JAK2: variants seen among roughly 807,000 people sequenced by gnomAD.
The protein encoded by JAK2 is tyrosine-protein kinase JAK2.
In JAK2, 86 loss-of-function variants were observed where a neutral mutation model predicts 139.3. The ratio of observed to expected loss-of-function variants is 0.62; its 90% CI spans 0.52 to 0.74. The LOEUF is 0.74. JAK2 is among the 30% of genes least tolerant of loss of function. JAK2 has a pLI of 0.00. For missense variants in JAK2, 1,421 were observed against 1,360.3 expected (o/e 1.04, Z -0.70); for synonymous variants, 490 against 437.7 (o/e 1.12, Z -1.49).
chr9:5,020,809 G>T (rs925503353), intron 2 of JAK2, among the ~76,000 whole-genome samples: 5 of 152,172 alleles, frequency 3.3e-5, no homozygotes, highest in African/African-American at 9.7e-5. Context: ...GGAGGTGACT[G>T]TCGGTGGAGG....
intron 23 of JAK2, among the ~76,000 whole-genome samples, chr9:5,125,631 T>A (rs2130862192): frequency 6.8e-6 from 1 of 146,312 alleles, no homozygotes; most frequent in East Asian, 2.0e-4. Flanking sequence ...TGCATAGGGA[T>A]GTACATTTCA....
chr9:5,110,796 C>T (rs1822419891), intron 22 of JAK2: 2 of 412,518 alleles, frequency 4.8e-6, no homozygotes, highest in Admixed American at 6.6e-5. Context: ...GGGCCACGCG[C>T]GACGCCTGGG....
intron 6 of JAK2, among the ~76,000 whole-genome samples, chr9:5,053,730 A>C (rs1817574587): frequency 6.6e-6 from 1 of 151,934 alleles, no homozygotes; most frequent in African/African-American, 2.4e-5. Flanking sequence ...GAGATTTTAC[A>C]TTTTATACGG....
intron 2 of JAK2, among the ~76,000 whole-genome samples, chr9:5,016,308 A>G (rs1323871125): frequency 6.6e-6 from 1 of 152,140 alleles, no homozygotes; most frequent in Non-Finnish European, 1.5e-5. Flanking sequence ...CTGCTGTTAT[A>G]AGACCTGGTT....
intron 4 of JAK2, among the ~76,000 whole-genome samples, chr9:5,034,881 G>A (rs975563225): frequency 7.2e-5 from 11 of 151,916 alleles, no homozygotes; most frequent in Admixed American, 2.0e-4. Flanking sequence ...AGAAATAACT[G>A]AGATCAGAGC....
chr9:5,042,132 T>TC (rs1816606725), intron 4 of JAK2, among the ~76,000 whole-genome samples: 1 of 131,774 alleles, frequency 7.6e-6, no homozygotes, highest in African/African-American at 2.6e-5. Context: ...TTCTTTTTTT[T>TC]TTTTTTTTTT....
At chr9:5,064,477 C>G (rs1333680785) in intron 8 of JAK2, among the ~76,000 whole-genome samples, 9 of 151,038 alleles carry the variant, frequency 6.0e-5, no homozygotes, top group Non-Finnish European at 1.3e-4. Flanking sequence ...TTGCAGTGAG[C>G]CAAGATTGTG....
At chr9:5,126,580 G>A in intron 24 of JAK2, 104 bp from the exon 25 acceptor site, 2 of 947,492 alleles carry the variant, frequency 2.1e-6, no homozygotes, top group Middle Eastern at 2.2e-4. Context: ...TGTGGAACAA[G>A]GCATGGTTAT....
At chr9:4,999,933 C>T (rs1168840505) in intron 2 of JAK2, among the ~76,000 whole-genome samples, 1 of 152,142 alleles carries the variant, frequency 6.6e-6, no homozygotes, top group Non-Finnish European at 1.5e-5. Flanking sequence ...TTCCTCATAT[C>T]TTTGCCAACA....
intron 12 of JAK2, 74 bp from the exon 13 acceptor site, chr9:5,072,418 T>C (rs1483083594): frequency 4.4e-6 from 5 of 1,125,800 alleles, no homozygotes; most frequent in Admixed American, 2.8e-5. Context: ...TTCTTCCTCA[T>C]TGAATGTATT....
intron 23 of JAK2, among the ~76,000 whole-genome samples, chr9:5,125,158 A>C (rs577684263): frequency 4.0e-5 from 6 of 151,244 alleles, no homozygotes; most frequent in Non-Finnish European, 5.9e-5. Flanking sequence ...GACCACCTCA[A>C]TATTGTGGTA....
chr9:5,047,370 T>C (rs886277547), intron 5 of JAK2, among the ~76,000 whole-genome samples: 2 of 152,188 alleles, frequency 1.3e-5, no homozygotes, highest in Non-Finnish European at 2.9e-5. Context: ...GGTAAGCAAA[T>C]AAAAATCAAA....
rs1824118837 is a variant in JAK2 at position 5,128,083 on chromosome 9, TGTGTG to T, written c.*1293_*1297del. 19 of 5,430 alleles carry T rather than the reference TGTGTG, an allele frequency of 3.5e-3. No individual in the cohort carries two copies. The highest frequency in any genetic ancestry group is 0.027 in the Admixed American group (9 of 332). The allele number at this position is 5,430 out of a possible 1,614,324, so 0.3% of individuals were successfully genotyped here. A position where few individuals can be genotyped will look rare whatever the true frequency, so the allele number is the denominator to read the frequency against. On this transcript the variant is annotated 3_prime_UTR_variant, in exon 25 of 25. Coordinates refer to ENST00000381652, the MANE Select transcript of JAK2 (RefSeq NM_004972.4). ...CTAAAATAAAATATGGTGGGTTTTGTGTGTGTGTGTGTGTGTGTGTGTGTGTGTGT... is the reference window on the plus strand; with the variant it reads ...CTAAAATAAAATATGGTGGGTTTTGTTGTGTGTGTGTGTGTGTGTGTGTGT...
intron 13 of JAK2, among the ~76,000 whole-genome samples, chr9:5,072,934 C>G (rs541591644): frequency 6.6e-6 from 1 of 151,704 alleles, no homozygotes; most frequent in African/African-American, 2.4e-5. Flanking sequence ...ACAGAGGCTC[C>G]TCTACAATTA....
Position 5,066,683 on chromosome 9 carries a change from A to T in JAK2, c.1220A>T (p.Asp407Val). 4 of 1,581,210 alleles carry T rather than the reference A, an allele frequency of 2.5e-6. No homozygotes were observed. The highest frequency in any genetic ancestry group is 3.5e-6 in the Non-Finnish European group (4 of 1,150,826). Residue 407 changes from aspartate to valine, a missense_variant, in exon 10 of 25, where the codon GAT (aspartate) becomes GTT (valine). Transcript: ENST00000381652. ...TGCTTCTTCTTTACCTTTAGGATGG[A>T]TTTTGCCATTAGTAAACTGAAGAAA... ...QSNCHGPISMDFAISKLKKAG... is the reference protein window; with the variant it reads ...QSNCHGPISMVFAISKLKKAG...
intron 19 of JAK2, among the ~76,000 whole-genome samples, chr9:5,088,811 G>A (rs1490742643): frequency 2.6e-5 from 4 of 152,142 alleles, no homozygotes; most frequent in Non-Finnish European, 5.9e-5. Context: ...TCTTATAAGG[G>A]CACTAGCCTT....
intron 22 of JAK2, among the ~76,000 whole-genome samples, chr9:5,093,221 G>C (rs1820720469): frequency 6.6e-6 from 1 of 152,092 alleles, no homozygotes; most frequent in African/African-American, 2.4e-5. Context: ...ATCCAACACA[G>C]GCATGCTCTA....
intron 10 of JAK2, 113 bp downstream of exon 10, chr9:5,066,902 G>C (rs1460487782): frequency 1.1e-5 from 5 of 438,386 alleles, no homozygotes; most frequent in Non-Finnish European, 2.0e-5. Flanking sequence ...CTTTGGATAT[G>C]ATAACTAGTA....
At chr9:5,060,711 T>C (rs1005652974) in intron 8 of JAK2, among the ~76,000 whole-genome samples, 4 of 152,214 alleles carry the variant, frequency 2.6e-5, no homozygotes, top group Non-Finnish European at 4.4e-5. Context: ...AATCAACTTC[T>C]TCCAAATTCC....
Sources: allele counts gnomAD v4.1 joint callset (sites outside exome capture counted in the v4.1 genomes callset), GRCh38; gene constraint gnomAD v4.1.1; transcripts MANE v1.5; gene names NCBI Gene and HGNC (gene_info 2026-07-23, HGNC 2026-07-21).